The following TAFA2 variants were observed in gnomAD, a reference collection of about 807,000 sequenced individuals.
TAFA2 encodes chemokine-like protein TAFA-2.
In TAFA2, 7 loss-of-function variants were observed where a neutral mutation model predicts 18.8. The observed-to-expected ratio is 0.37, with a 90% CI of 0.21 to 0.70. The LOEUF (loss-of-function observed/expected upper bound fraction) is 0.70, where lower values mean the gene tolerates loss of function less well. TAFA2 is among the 30% of genes least tolerant of loss of function. The pLI is 0.53. For missense variants in TAFA2, 122 were observed against 158.1 expected (o/e 0.77, Z 1.23); for synonymous variants, 60 against 54.2 (o/e 1.11, Z -0.47).
intron 1 of TAFA2, among the ~76,000 whole-genome samples, chr12:62,018,389 C>T (rs1180951824): frequency 6.6e-6 from 1 of 152,058 alleles, no homozygotes; most frequent in Non-Finnish European, 1.5e-5. Flanking sequence ...TTTATTCACA[C>T]AAAATCAAGC....
At chr12:61,747,485 A>G (rs1868776274) in intron 4 of TAFA2, among the ~76,000 whole-genome samples, 2 of 147,378 alleles carry the variant, frequency 1.4e-5, no homozygotes, top group East Asian at 2.0e-4. Flanking sequence ...ACAATGATAG[A>G]CTGGATTAAG....
chr12:62,115,906 G>A (rs1221620669), intron 1 of TAFA2, among the ~76,000 whole-genome samples: 1 of 152,120 alleles, frequency 6.6e-6, no homozygotes, highest in African/African-American at 2.4e-5. Context: ...ATTTGACCCT[G>A]TTGTTCTCTG....
chr12:61,888,993 G>T (rs1391239442), intron 1 of TAFA2, among the ~76,000 whole-genome samples: 1 of 152,210 alleles, frequency 6.6e-6, no homozygotes, highest in East Asian at 1.9e-4. Flanking sequence ...GTTGGAGACT[G>T]TGTTTCCAGC....
At position 61,771,040 on chromosome 12, in the gene TAFA2, G is replaced by A. The variant is rs537184134; in HGVS notation, c.107-16016C>T. Among the ~76,000 whole-genome samples, 5 of 152,124 alleles carry A rather than the reference G, an allele frequency of 3.3e-5. No homozygotes were observed. In the East Asian group the frequency reaches 7.8e-4, roughly 24 times the overall value. On this transcript the variant is annotated intron_variant, in intron 2 of 4. Coordinates refer to ENST00000416284, the MANE Select transcript of TAFA2 (RefSeq NM_178539.5). ...AGGACACACATAAACTTAAGGTAAA[G>A]GAGTAGAAAAAGATATTCCATGCAA...
intron 2 of TAFA2, among the ~76,000 whole-genome samples, chr12:61,770,985 G>T (rs1053414093): frequency 2.0e-5 from 3 of 152,038 alleles, no homozygotes; most frequent in African/African-American, 7.2e-5. Context: ...CCAAGTATCT[G>T]CAGTCTTCAA....
At chr12:61,750,452 G>A (rs1868957735) in intron 4 of TAFA2, among the ~76,000 whole-genome samples, 2 of 152,096 alleles carry the variant, frequency 1.3e-5, no homozygotes, top group South Asian at 4.1e-4. Context: ...AAAAATGACT[G>A]TCTATTCTTT....
chr12:62,164,920 T>G (rs1007015830), intron 1 of TAFA2, among the ~76,000 whole-genome samples: 1 of 152,082 alleles, frequency 6.6e-6, no homozygotes, highest in Non-Finnish European at 1.5e-5. Flanking sequence ...TACATCCTCT[T>G]CAACAGTCCA....
At chr12:61,712,781 TAGATG>T (rs1290758797) in intron 4 of TAFA2, among the ~76,000 whole-genome samples, 1 of 148,690 alleles carries the variant, frequency 6.7e-6, no homozygotes, top group Non-Finnish European at 1.5e-5. Context: ...TTTCTAATAT[TAGATG>T]AAAGTATACA....
At chr12:61,902,082 C>T (rs970051252) in intron 1 of TAFA2, among the ~76,000 whole-genome samples, 1 of 112,936 alleles carries the variant, frequency 8.9e-6, no homozygotes, top group African/African-American at 4.4e-5. Context: ...AATCATGGTG[C>T]AGGAATGTTA....
chr12:62,154,011 G>C (rs1203338672), intron 1 of TAFA2, among the ~76,000 whole-genome samples: 1 of 147,450 alleles, frequency 6.8e-6, no homozygotes, highest in Non-Finnish European at 1.5e-5. Flanking sequence ...CATACTCCTG[G>C]AATCAAATGA....
intron 4 of TAFA2, among the ~76,000 whole-genome samples, chr12:61,719,876 G>A (rs992675553): frequency 1.3e-5 from 2 of 152,120 alleles, no homozygotes. Context: ...CATTCTCTCC[G>A]CTCCATCCCT....
chr12:61,793,140 T>G (rs1319657209), intron 2 of TAFA2, among the ~76,000 whole-genome samples: 1 of 151,552 alleles, frequency 6.6e-6, no homozygotes, highest in Non-Finnish European at 1.5e-5. Flanking sequence ...GCACTAAGCA[T>G]CTATATTATA....
chr12:61,731,675 C>T (rs1041725714), intron 4 of TAFA2, among the ~76,000 whole-genome samples: 2 of 151,888 alleles, frequency 1.3e-5, no homozygotes, highest in Admixed American at 6.6e-5. Context: ...AGATAGTCCC[C>T]ATTTATGATT....
rs150267180 is a variant in TAFA2, at chr12:61,863,292, C to T, written c.106+4028G>A. On this transcript the variant is annotated intron_variant, in intron 2 of 4. Coordinates refer to ENST00000416284, the MANE Select transcript of TAFA2 (RefSeq NM_178539.5). ...TGATGACCATGAGGAAGAAGACAGC[C>T]GCTGTGCACTAGAGGCAGAGAGGAA... Among the ~76,000 whole-genome samples the T allele has an allele frequency of 3.0e-3, 453 of 152,228 alleles. 1 individual carries two copies. Among genetic ancestry groups the T allele is most frequent in the African/African-American group, 0.01 (416 of 41,554 alleles).
rs759371558 is a variant in TAFA2 at position 61,910,855 on chromosome 12, C to T, written c.-1-43429G>A. The stretch of plus-strand genomic sequence containing the variant: ...CTGATAAACTCACCCTGTGCAATTC[C>T]GAACCATCTGTGTTTCTTCAAAGCT... On this transcript the variant is annotated intron_variant, in intron 1 of 4. Coordinates refer to ENST00000416284, the MANE Select transcript of TAFA2 (RefSeq NM_178539.5). 1.1e-4 allele frequency among the ~76,000 whole-genome samples: 17 copies of T among 152,180 alleles called. No homozygotes were observed. In the South Asian group the frequency reaches 1.2e-3, roughly 11 times the overall value.
At chr12:62,248,318 A>G (rs189229003) in intron 1 of TAFA2, among the ~76,000 whole-genome samples, 11 of 152,280 alleles carry the variant, frequency 7.2e-5, no homozygotes, top group African/African-American at 1.7e-4. Flanking sequence ...GTCTTTGAAC[A>G]TGACACATGA....
At chr12:62,001,131 T>C (rs1880361752) in intron 1 of TAFA2, among the ~76,000 whole-genome samples, 1 of 152,186 alleles carries the variant, frequency 6.6e-6, no homozygotes, top group Admixed American at 6.5e-5. Context: ...TGCTTGGAAC[T>C]AGCTACAAGG....
At chr12:61,917,365 A>G (rs1876869199) in intron 1 of TAFA2, among the ~76,000 whole-genome samples, 1 of 152,204 alleles carries the variant, frequency 6.6e-6, no homozygotes, top group African/African-American at 2.4e-5. Context: ...CCCTTTAATA[A>G]TAAGTTCACA....
intron 1 of TAFA2, among the ~76,000 whole-genome samples, chr12:62,105,175 T>G (rs1054335826): frequency 2.0e-5 from 3 of 152,100 alleles, no homozygotes; most frequent in African/African-American, 7.2e-5. Context: ...ACAGAAGATA[T>G]GTGACTGCTC....
Sources: allele counts gnomAD v4.1 joint callset (sites outside exome capture counted in the v4.1 genomes callset), GRCh38; gene constraint gnomAD v4.1.1; transcripts MANE v1.5; gene names NCBI Gene and HGNC (gene_info 2026-07-23, HGNC 2026-07-21).